The following TRPC5 variants were observed in gnomAD, a reference collection of about 807,000 sequenced individuals.
TRPC5 encodes the protein transient receptor potential cation channel subfamily C member 5.
In TRPC5, 9 loss-of-function variants were observed where a neutral mutation model predicts 56.5. That is an observed-to-expected ratio of 0.16 (90% CI 0.10 to 0.28). The LOEUF (loss-of-function observed/expected upper bound fraction) is 0.28. Ranked by LOEUF, TRPC5 falls within the 10% of genes least tolerant of loss-of-function variation. The probability of loss-of-function intolerance (pLI) is 1.00; values close to 1 mark genes in which losing one functional copy is unlikely to be tolerated. For missense variants in TRPC5, 469 were observed against 748.9 expected (o/e 0.63, Z 4.36); for synonymous variants, 282 against 278.5 (o/e 1.01, Z -0.13).
chrX:112,072,034 A>G (rs1233407192), intron 1 of TRPC5, among the ~76,000 whole-genome samples: 1 of 111,911 alleles, frequency 8.9e-6, no homozygotes, highest in Admixed American at 9.4e-5. Context: ...AAATATTGGT[A>G]TTTTCAAGGA....
chrX:111,938,515 C>T (rs1397139097), intron 2 of TRPC5, among the ~76,000 whole-genome samples: 6 of 111,445 alleles, frequency 5.4e-5, no homozygotes, highest in Non-Finnish European at 9.4e-5. Context: ...TTTTGCGATA[C>T]ATCCCATCAA....
At chrX:111,985,280 A>G (rs1045030856) in intron 1 of TRPC5, among the ~76,000 whole-genome samples, 1 of 112,007 alleles carries the variant, frequency 8.9e-6, no homozygotes, top group Non-Finnish European at 1.9e-5. Context: ...TGGAAAAATA[A>G]ACACAAGATG....
At chrX:111,802,772 A>T (rs1921357230) in intron 7 of TRPC5, among the ~76,000 whole-genome samples, 1 of 112,070 alleles carries the variant, frequency 8.9e-6, no homozygotes, top group South Asian at 3.7e-4. Flanking sequence ...ACATTAGAAG[A>T]ACTATCTATA....
At chrX:111,944,402 T>C (rs1427188558) in intron 2 of TRPC5, among the ~76,000 whole-genome samples, 3 of 109,170 alleles carry the variant, frequency 2.7e-5, no homozygotes, top group Non-Finnish European at 3.8e-5. Flanking sequence ...TTGGGTCTGT[T>C]TTGCATCTGA....
At chrX:111,803,415 C>T (rs1418568324) in intron 7 of TRPC5, among the ~76,000 whole-genome samples, 1 of 112,198 alleles carries the variant, frequency 8.9e-6, no homozygotes. Flanking sequence ...ATTCTAGATC[C>T]TTGAGGAATT....
intron 3 of TRPC5, among the ~76,000 whole-genome samples, chrX:111,888,534 G>GA (rs958980627): frequency 2.5e-4 from 25 of 99,190 alleles, no homozygotes; most frequent in African/African-American, 8.1e-4. Flanking sequence ...AGAAAGAAAA[G>GA]AAAAAAAAAA....
chrX:111,932,606 T>C (rs746475056), intron 2 of TRPC5, among the ~76,000 whole-genome samples: 1 of 111,370 alleles, frequency 9.0e-6, no homozygotes, highest in South Asian at 3.9e-4. Context: ...TCTAGTCCTC[T>C]CTGTCCTGAC....
At chrX:111,974,632 A>G (rs1444074749) in intron 1 of TRPC5, among the ~76,000 whole-genome samples, 2 of 110,961 alleles carry the variant, frequency 1.8e-5, no homozygotes, top group African/African-American at 3.3e-5. Context: ...CAACTTCAGA[A>G]ATACAGCAAC....
At chrX:111,950,095 T>C (rs773959799) in intron 2 of TRPC5, among the ~76,000 whole-genome samples, 53 of 111,098 alleles carry the variant, frequency 4.8e-4, no homozygotes, top group South Asian at 1.9e-3. Context: ...GAGGCCAAGG[T>C]GGGCAGATCA....
chrX:112,008,346 C>T (rs1928896200), intron 1 of TRPC5, among the ~76,000 whole-genome samples: 1 of 111,833 alleles, frequency 8.9e-6, no homozygotes, highest in Admixed American at 9.5e-5. Context: ...AATCCCAGCA[C>T]TTTGGGAGGC....
At chrX:111,900,032 G>C (rs568342127) in intron 3 of TRPC5, among the ~76,000 whole-genome samples, 84 of 111,316 alleles carry the variant, frequency 7.5e-4, no homozygotes, top group African/African-American at 2.2e-3. Flanking sequence ...GATCTGATAG[G>C]ACTTAGGCTA....
intron 7 of TRPC5, among the ~76,000 whole-genome samples, chrX:111,807,842 C>T (rs1465545674): frequency 8.9e-6 from 1 of 112,051 alleles, no homozygotes; most frequent in East Asian, 2.8e-4. Context: ...TGTAGAGGTA[C>T]TGCCTTCATG....
chrX:111,864,056 A>G (rs1022106076), intron 3 of TRPC5, among the ~76,000 whole-genome samples: 12 of 110,815 alleles, frequency 1.1e-4, no homozygotes, highest in Non-Finnish European at 2.1e-4. Flanking sequence ...GCGCGATCTC[A>G]GCTCACTGCA....
chrX:111,941,949 G>A (rs1160055794), intron 2 of TRPC5, among the ~76,000 whole-genome samples: 3 of 111,688 alleles, frequency 2.7e-5, no homozygotes, highest in Non-Finnish European at 5.6e-5. Context: ...GAGGGCTGCT[G>A]GGGATCTTCT....
rs1399254380 is a variant in TRPC5 at position 111,891,195 on chromosome X, A to G, written c.900+21096T>C. On this transcript the variant is annotated intron_variant, in intron 3 of 10. Transcript: ENST00000262839. ...GAACATAATGTGTGCATGTATCTTT[A>G]TGATAGAAGGATTTATATTCCTTTG... is the stretch of plus-strand genomic sequence containing the variant. 4.5e-5 allele frequency among the ~76,000 whole-genome samples: 5 copies of G among 112,015 alleles called. No homozygotes were observed. The East Asian group carries it at 1.4e-3, about 31-fold the overall frequency.
intron 1 of TRPC5, among the ~76,000 whole-genome samples, chrX:112,048,399 C>CAAAAAAAAAAAAAAA (rs58537492): frequency 1.9e-4 from 4 of 21,483 alleles, no homozygotes; most frequent in Non-Finnish European, 3.4e-4. Context: ...GACTCCGTAT[C>CAAAAAAAAAAAAAAA]AAAAAAAAAA....
At chrX:112,063,199 T>G (rs73266351) in intron 1 of TRPC5, among the ~76,000 whole-genome samples, 4,358 of 111,604 alleles carry the variant, frequency 0.039, 78 homozygotes, top group Middle Eastern at 0.06. Flanking sequence ...CTCTGAGGTT[T>G]GAAGGGACCT....
chrX:112,062,915 A>T (rs1391847799), intron 1 of TRPC5, among the ~76,000 whole-genome samples: 1 of 111,521 alleles, frequency 9.0e-6, no homozygotes, highest in Non-Finnish European at 1.9e-5. Flanking sequence ...GGATAAGGGC[A>T]GTAAGTAGGG....
chrX:111,846,732 C>T (rs1215714477), intron 6 of TRPC5, among the ~76,000 whole-genome samples: 1 of 112,285 alleles, frequency 8.9e-6, no homozygotes, highest in Non-Finnish European at 1.9e-5. Flanking sequence ...GCCACTCGTT[C>T]AGAGGAATAG....
Sources: gnomAD v4.1 joint callset for allele counts (sites outside exome capture counted in the v4.1 genomes callset) on GRCh38, gnomAD v4.1.1 for gene constraint, MANE v1.5 for transcripts, NCBI Gene and HGNC (gene_info 2026-07-23, HGNC 2026-07-21) for gene names.